The following MZT2A variants were observed in gnomAD, a reference collection of about 807,000 sequenced individuals.
MZT2A encodes the protein mitotic spindle organizing protein 2A.
In MZT2A, 8 loss-of-function variants were observed where a neutral mutation model predicts 12.4. The ratio of observed to expected loss-of-function variants is 0.64; its 90% CI spans 0.38 to 1.16. The LOEUF (loss-of-function observed/expected upper bound fraction) is 1.16, where lower values mean the gene tolerates loss of function less well. Among genes scored for constraint, MZT2A ranks in the 50% most tolerant of loss-of-function variants. The probability of loss-of-function intolerance (pLI) is 0.01; values close to 1 mark genes in which losing one functional copy is unlikely to be tolerated. For missense variants in MZT2A, 181 were observed against 223.6 expected (o/e 0.81, Z 1.22); for synonymous variants, 88 against 107.5 (o/e 0.82, Z 1.12).
intron 2 of MZT2A, among the ~76,000 whole-genome samples, chr2:131,476,544 C>G (rs1357687320): frequency 5.9e-5 from 9 of 152,164 alleles, no homozygotes; most frequent in Non-Finnish European, 8.8e-5. Flanking sequence ...CTGAGGAGCC[C>G]CAGGAGCCTT....
At chr2:131,480,492 T>A (rs140040647), downstream of MZT2A, 226 of 1,590,176 alleles carry the variant, frequency 1.4e-4, 9 homozygotes, top group Non-Finnish European at 1.4e-4. Flanking sequence ...CCGCATCCAC[T>A]TCCCCCTGGC....
chr2:131,476,337 G>A, intron 2 of MZT2A: 3 of 1,471,314 alleles, frequency 2.0e-6, no homozygotes, highest in East Asian at 4.8e-5. Context: ...TGCGGGACAG[G>A]AGGACACGGG....
chr2:131,481,339 G>A (rs1678859002), downstream of MZT2A, among the ~76,000 whole-genome samples: 1 of 151,830 alleles, frequency 6.6e-6, no homozygotes, highest in African/African-American at 2.4e-5. Flanking sequence ...TGTGATCTTG[G>A]CTCACTGCAA....
downstream of MZT2A, chr2:131,482,417 G>A (rs1196757730): frequency 3.0e-6 from 4 of 1,354,054 alleles, no homozygotes; most frequent in Non-Finnish European, 4.0e-6. Flanking sequence ...GCAGAGAAGG[G>A]CTTAGTGACG....
intron 2 of MZT2A, chr2:131,472,322 C>T (rs1705005229): frequency 3.5e-6 from 2 of 563,826 alleles, no homozygotes. Flanking sequence ...AAATAAAATA[C>T]ACAAGGCAGC....
chr2:131,482,649 C>T (rs747483979), downstream of MZT2A: 7 of 1,614,044 alleles, frequency 4.3e-6, no homozygotes, highest in African/African-American at 2.7e-5. Context: ...ACGGCCATTG[C>T]GGAGGCCTGG....
At chr2:131,477,576 C>G (rs1437728408) in intron 2 of MZT2A, among the ~76,000 whole-genome samples, 1 of 150,784 alleles carries the variant, frequency 6.6e-6, no homozygotes, top group Non-Finnish European at 1.5e-5. Context: ...TCCAGCCCCC[C>G]AGTATCCCAC....
chr2:131,480,768 G>C, downstream of MZT2A: 2 of 1,601,762 alleles, frequency 1.2e-6, no homozygotes, highest in Non-Finnish European at 1.7e-6. Context: ...GGGTGATGTG[G>C]AGGCCTTTCA....
downstream of MZT2A, among the ~76,000 whole-genome samples, chr2:131,483,644 G>A (rs1378764322): frequency 1.3e-5 from 2 of 152,170 alleles, no homozygotes; most frequent in Admixed American, 6.5e-5. Context: ...GAACCCAGGA[G>A]GCGGAGCTTG....
At chr2:131,472,430 T>C (rs188856845) in intron 2 of MZT2A, among the ~76,000 whole-genome samples, 280 of 152,350 alleles carry the variant, frequency 1.8e-3, no homozygotes, top group Non-Finnish European at 3.2e-3. Context: ...TTTTCTTTTG[T>C]CATTTACAGT....
intron 2 of MZT2A, among the ~76,000 whole-genome samples, chr2:131,487,916 G>A (rs1679120028): frequency 6.6e-6 from 1 of 152,196 alleles, no homozygotes; most frequent in Non-Finnish European, 1.5e-5. Flanking sequence ...ACAGATGTGT[G>A]CCACCATGCC....
At chr2:131,488,208 G>C (rs1283766031) in intron 2 of MZT2A, among the ~76,000 whole-genome samples, 2 of 152,140 alleles carry the variant, frequency 1.3e-5, no homozygotes, top group Non-Finnish European at 2.9e-5. Flanking sequence ...CGCATGCTCT[G>C]GACAACTTTT....
chr2:131,482,822 G>A (rs1484489227), downstream of MZT2A: 2 of 1,614,036 alleles, frequency 1.2e-6, no homozygotes, highest in Non-Finnish European at 1.7e-6. Flanking sequence ...CGTGGAAGCT[G>A]AGGCTGAAGA....
rs1286936838 is a variant in MZT2A at position 131,470,387 on chromosome 2, T to G, written c.394-44A>C. Reference sequence around the variant, plus strand: ...ATGTTTTATGTTTGCTTAACAAAGGTCTGGAAGGCTGGACATTTAGTTTAC... The same window carrying G: ...ATGTTTTATGTTTGCTTAACAAAGGGCTGGAAGGCTGGACATTTAGTTTAC... On this transcript the variant is annotated intron_variant and NMD_transcript_variant, in intron 3 of 4. Transcript: ENST00000427024. 6 of 1,248,984 alleles carry G rather than the reference T, an allele frequency of 4.8e-6. 1 individual carries two copies. The African/African-American group carries it at 8.7e-5, about 18-fold the overall frequency. 77.4% of individuals were successfully genotyped at this position (1,248,984 alleles called of 1,614,324 possible).
Position 131,476,073 on chromosome 2 carries a change from C to T in MZT2A, c.279-3891G>A, listed in dbSNP as rs376859390. On this transcript the variant is annotated intron_variant and NMD_transcript_variant, in intron 2 of 4. Transcript: ENST00000427024. ...CCTCCCAGGAACTCCGAGCCAATGG[C>T]GGCCTGGCACCGGCGGGCCAATCCC... 1.9e-4 allele frequency: 292 copies of T among 1,540,372 alleles called. No individual in the cohort carries two copies. In the East Asian group the frequency reaches 4.3e-3, roughly 23 times the overall value.
chr2:131,493,740 C>A (rs991277227), upstream of MZT2A, among the ~76,000 whole-genome samples: 4 of 152,072 alleles, frequency 2.6e-5, no homozygotes, highest in African/African-American at 9.7e-5. Flanking sequence ...GTTGGAGAGT[C>A]GCGACGAAGT....
chr2:131,472,233 G>A (rs1248451743), intron 2 of MZT2A: 2 of 1,260,522 alleles, frequency 1.6e-6, no homozygotes, highest in Non-Finnish European at 2.1e-6. Context: ...TTTCTGTGTA[G>A]CAACTATATG....
At chr2:131,492,971 T>C, upstream of MZT2A, 1 of 1,519,966 alleles carries the variant, frequency 6.6e-7, no homozygotes, top group Non-Finnish European at 8.9e-7. Context: ...CCGGCCGGCC[T>C]TCTTCGCTTT....
chr2:131,480,844 T>G, downstream of MZT2A: 6 of 1,514,420 alleles, frequency 4.0e-6, no homozygotes, highest in Non-Finnish European at 5.4e-6. Flanking sequence ...AGATTATCCC[T>G]GTTCCATGGG....
Sources: allele counts gnomAD v4.1 joint callset (sites outside exome capture counted in the v4.1 genomes callset), GRCh38; gene constraint gnomAD v4.1.1; transcripts MANE v1.5; gene names NCBI Gene and HGNC (gene_info 2026-07-23, HGNC 2026-07-21).